The following CHN1 variants were observed in gnomAD, a reference collection of about 807,000 sequenced individuals.
The protein encoded by CHN1 is chimerin 1.
Under a neutral mutation model 59.5 loss-of-function variants are expected in CHN1, and 37 were observed. The observed-to-expected ratio is 0.62, with a 90% CI of 0.48 to 0.82. The LOEUF is 0.82. Among genes scored for constraint, CHN1 ranks in the 40% least tolerant of loss-of-function variants. CHN1 has a pLI of 0.00. For synonymous variants in CHN1, 206 were observed against 200.4 expected (o/e 1.03, Z -0.24); for missense variants, 469 against 571.0 (o/e 0.82, Z 1.82).
At position 175,005,321 on chromosome 2, in the gene CHN1, G is replaced by C. The variant is rs1692034808; in HGVS notation, c.-409C>G. 3.4e-6 allele frequency: 4 copies of C among 1,179,768 alleles called. No homozygotes were observed. The highest frequency in any genetic ancestry group is 4.3e-6 in the Non-Finnish European group (4 of 935,984). 73.1% of individuals were successfully genotyped at this position (1,179,768 alleles called of 1,614,324 possible). On this transcript the variant is annotated 5_prime_UTR_variant, in exon 1 of 13. Coordinates refer to ENST00000409900, the MANE Select transcript of CHN1 (RefSeq NM_001822.7). ...CAGCAGCCTCGCACAGCCCCCGGCG[G>C]GGCGCGCTCACTCCGCATCCCGCGG...
At chr2:174,838,498 AAC>A (rs1455119783) in intron 7 of CHN1, among the ~76,000 whole-genome samples, 1 of 152,200 alleles carries the variant, frequency 6.6e-6, no homozygotes, top group East Asian at 1.9e-4. Flanking sequence ...CAAGGCTTGA[AAC>A]ACAGAGACAT....
At chr2:174,848,004 T>C (rs1686594276) in intron 6 of CHN1, among the ~76,000 whole-genome samples, 1 of 152,082 alleles carries the variant, frequency 6.6e-6, no homozygotes, top group Non-Finnish European at 1.5e-5. Flanking sequence ...CAAAACCCAA[T>C]TTTATTAAAG....
At chr2:174,912,536 C>T (rs16862929) in intron 5 of CHN1, among the ~76,000 whole-genome samples, 1,650 of 152,108 alleles carry the variant, frequency 0.011, 41 homozygotes, top group African/African-American at 0.038. Flanking sequence ...ATTTTAGAGC[C>T]CCTAGTTGAC....
chr2:174,845,637 AGTTT>A (rs1686481789), intron 7 of CHN1, among the ~76,000 whole-genome samples: 1 of 152,160 alleles, frequency 6.6e-6, no homozygotes, highest in South Asian at 2.1e-4. Context: ...AACGTTATTT[AGTTT>A]ATTTTAAAAT....
intron 11 of CHN1, among the ~76,000 whole-genome samples, chr2:174,806,319 G>T (rs1684884011): frequency 6.6e-6 from 1 of 152,168 alleles, no homozygotes; most frequent in Non-Finnish European, 1.5e-5. Context: ...CTCCAAGAAA[G>T]CTGCAAAAGC....
At chr2:174,889,273 T>G (rs916116817) in intron 5 of CHN1, among the ~76,000 whole-genome samples, 58 of 129,772 alleles carry the variant, frequency 4.5e-4, no homozygotes, top group East Asian at 1.6e-3. Flanking sequence ...GAAAAGGTGG[T>G]TTTTTTTTCA....
At chr2:174,943,182 TTGTGTGTGTGTG>T (rs3056103) in intron 3 of CHN1, among the ~76,000 whole-genome samples, 14 of 149,700 alleles carry the variant, frequency 9.4e-5, no homozygotes, top group African/African-American at 2.2e-4. Flanking sequence ...TAGGGTTTGC[TTGTGTGTGTGTG>T]TGTGTGTGTG....
intron 1 of CHN1, among the ~76,000 whole-genome samples, chr2:174,986,797 C>T (rs774789849): frequency 2.0e-5 from 3 of 152,228 alleles, no homozygotes; most frequent in East Asian, 1.9e-4. Context: ...AGTGCAATGG[C>T]GCGATCTGGG....
At chr2:174,939,122 C>A (rs1689585685) in intron 3 of CHN1, among the ~76,000 whole-genome samples, 2 of 152,070 alleles carry the variant, frequency 1.3e-5, no homozygotes, top group East Asian at 3.9e-4. Flanking sequence ...CAGGGGATGG[C>A]AGCATTCAAT....
rs144140969 is a variant in CHN1 at position 174,909,558 on chromosome 2, A to G, written c.260+5500T>C. On this transcript the variant is annotated intron_variant, in intron 5 of 12. Coordinates refer to ENST00000409900, the MANE Select transcript of CHN1 (RefSeq NM_001822.7). ...CTCTCCTGCTGGGCATAAACAAGAA[A>G]TCTTACAATTCTGATTGCACTGGCA... Among the ~76,000 whole-genome samples, 150 of 152,358 alleles carry G rather than the reference A, an allele frequency of 9.8e-4. 1 individual carries two copies. The highest frequency in any genetic ancestry group is 1.8e-3 in the Non-Finnish European group (124 of 68,044).
intron 5 of CHN1, among the ~76,000 whole-genome samples, chr2:174,884,840 A>G (rs533780144): frequency 5.5e-4 from 84 of 152,300 alleles, no homozygotes; most frequent in African/African-American, 1.8e-3. Flanking sequence ...AGAATCGGTT[A>G]TTAGTTTTAC....
At chr2:174,952,608 G>A (rs1218943561) in intron 1 of CHN1, among the ~76,000 whole-genome samples, 15 of 152,156 alleles carry the variant, frequency 9.9e-5, no homozygotes, top group African/African-American at 2.4e-4. Flanking sequence ...TTTAATCACC[G>A]CAAAAGTTAA....
At chr2:174,932,638 G>A (rs1028626643) in intron 3 of CHN1, among the ~76,000 whole-genome samples, 2 of 152,196 alleles carry the variant, frequency 1.3e-5, no homozygotes, top group Admixed American at 6.5e-5. Context: ...CCCAATGTTG[G>A]AGGTGGGGAC....
Position 174,799,549 on chromosome 2 carries a change from A to G in CHN1, c.*567T>C. The G allele has an allele frequency of 7.6e-6, 4 of 523,082 alleles. No homozygotes were observed. The highest frequency in any genetic ancestry group is 6.1e-5 in the South Asian group (4 of 65,088). The allele number at this position is 523,082 out of a possible 1,614,324, so 32.4% of individuals were successfully genotyped here. A position where few individuals can be genotyped will look rare whatever the true frequency, so the allele number is the denominator to read the frequency against. On this transcript the variant is annotated 3_prime_UTR_variant, in exon 13 of 13. Coordinates refer to ENST00000409900, the MANE Select transcript of CHN1 (RefSeq NM_001822.7). ...ACCTTTATTAAAGTAACAAATCTGA[A>G]AACACATTTTGCTTTTGCTGGAAAG...
Position 174,799,193 on chromosome 2 carries a change from T to C in CHN1, c.*923A>G, listed in dbSNP as rs1045789327. ...AAAAGTATGTCAAGAAAATATTTTC[T>C]AGATTTCTGCCAGAGTAATATAAGA... On this transcript the variant is annotated 3_prime_UTR_variant, in exon 13 of 13. Coordinates refer to ENST00000409900, the MANE Select transcript of CHN1 (RefSeq NM_001822.7). 4 of 210,784 alleles carry C rather than the reference T, an allele frequency of 1.9e-5. No individual in the cohort carries two copies. The highest frequency in any genetic ancestry group is 2.2e-4 in the East Asian group (2 of 8,962). 13.1% of individuals were successfully genotyped at this position (210,784 alleles called of 1,614,324 possible). A position where few individuals can be genotyped will look rare whatever the true frequency, so the allele number is the denominator to read the frequency against.
intron 1 of CHN1, among the ~76,000 whole-genome samples, chr2:174,981,660 G>A (rs976617993): frequency 6.6e-6 from 1 of 152,078 alleles, no homozygotes; most frequent in Non-Finnish European, 1.5e-5. Flanking sequence ...ATTCAATGAA[G>A]TTTTCCATAA....
chr2:174,827,738 G>A (rs1685738721), intron 7 of CHN1, among the ~76,000 whole-genome samples: 1 of 152,192 alleles, frequency 6.6e-6, no homozygotes, highest in Non-Finnish European at 1.5e-5. Flanking sequence ...GGACAAACTG[G>A]AGTTATTTAG....
At chr2:175,000,634 G>C (rs1324250061) in intron 1 of CHN1, among the ~76,000 whole-genome samples, 1 of 151,998 alleles carries the variant, frequency 6.6e-6, no homozygotes, top group African/African-American at 2.4e-5. Flanking sequence ...AGTAAAGGTG[G>C]GGATTCACCA....
intron 8 of CHN1, among the ~76,000 whole-genome samples, chr2:174,819,514 A>T (rs1685405385): frequency 6.6e-6 from 1 of 152,206 alleles, no homozygotes; most frequent in Non-Finnish European, 1.5e-5. Flanking sequence ...CTGCTGGAAT[A>T]ATGGTCTTTT....
Sources: gnomAD v4.1 joint callset for allele counts (sites outside exome capture counted in the v4.1 genomes callset) on GRCh38, gnomAD v4.1.1 for gene constraint, MANE v1.5 for transcripts, NCBI Gene and HGNC (gene_info 2026-07-23, HGNC 2026-07-21) for gene names.